MMS22L: variants seen among roughly 807,000 people sequenced by gnomAD.
MMS22L encodes protein MMS22-like.
MMS22L carries 74 observed loss-of-function variants against 159.1 expected under a neutral mutation model. That is an observed-to-expected ratio of 0.47 (90% CI 0.39 to 0.56). The LOEUF is 0.56. MMS22L is among the 20% of genes least tolerant of loss of function. MMS22L has a pLI of 0.00. For synonymous variants in MMS22L, 517 were observed against 506.9 expected (o/e 1.02, Z -0.27); for missense variants, 1,351 against 1,422.1 (o/e 0.95, Z 0.80).
At chr6:97,167,757 C>T (rs1015039106) in intron 20 of MMS22L, among the ~76,000 whole-genome samples, 2 of 152,088 alleles carry the variant, frequency 1.3e-5, no homozygotes, top group East Asian at 1.9e-4. Context: ...CCTCTGATGT[C>T]CTCTACAGTG....
At position 97,143,668 on chromosome 6, in the gene MMS22L, A is replaced by T. The variant is rs117592459; in HGVS notation, c.*3138T>A. The T allele has an allele frequency of 0.04, 6,065 of 152,256 alleles. 179 individuals are homozygous for T. The highest frequency in any genetic ancestry group is 0.063 in the Non-Finnish European group (4,289 of 68,006). The allele number at this position is 152,256 out of a possible 1,614,324, so 9.4% of individuals were successfully genotyped here. A position where few individuals can be genotyped will look rare whatever the true frequency, so the allele number is the denominator to read the frequency against. ...AATGGTAATCAACTGAAAGTGGGAG[A>T]AACATGAAGAACCTAAAATGCCTCT... On this transcript the variant is annotated 3_prime_UTR_variant, in exon 25 of 25. Coordinates refer to ENST00000683635, the MANE Select transcript of MMS22L (RefSeq NM_001350599.2).
Position 97,179,485 on chromosome 6 carries a change from C to A in MMS22L, c.2459G>T (p.Cys820Phe). Residue 820 changes from cysteine to phenylalanine, a missense_variant, in exon 17 of 25, where the codon TGT becomes TTT. By Grantham distance (205) the Cys-to-Phe change is radical (BLOSUM62 -2). Transcript: ENST00000683635. ...QALTVRSWIR[C>F]VLQMYIKNLS... ...GTTTTTAATATACATTTGCAAAACA[C>A]AACGAATCCATGATCTTACGGTTAA... 1 of 1,613,506 alleles carries A rather than the reference C, an allele frequency of 6.2e-7. No homozygotes were observed. The highest frequency in any genetic ancestry group is 8.5e-7 in the Non-Finnish European group (1 of 1,179,702).
chr6:97,153,591 G>C (rs1231281399), intron 22 of MMS22L, among the ~76,000 whole-genome samples: 1 of 151,798 alleles, frequency 6.6e-6, no homozygotes, highest in South Asian at 2.1e-4. Flanking sequence ...GGCAGGTCTC[G>C]AAATCCTGAC....
chr6:97,223,562 A>T (rs1809883805), intron 14 of MMS22L, among the ~76,000 whole-genome samples: 1 of 152,138 alleles, frequency 6.6e-6, no homozygotes, highest in Admixed American at 6.5e-5. Flanking sequence ...ACTATCAAAA[A>T]ATCTTGAATG....
intron 15 of MMS22L, among the ~76,000 whole-genome samples, chr6:97,182,795 TCTTC>T (rs140230935): frequency 0.056 from 8,590 of 152,158 alleles, 332 homozygotes; most frequent in Middle Eastern, 0.11. Context: ...TATTCTCCCC[TCTTC>T]CTCCCTAAAA....
At position 97,151,102 on chromosome 6, in the gene MMS22L, C is replaced by G. The variant is rs1801274474; in HGVS notation, c.3482+669G>C. 2.0e-5 allele frequency among the ~76,000 whole-genome samples: 3 copies of G among 152,280 alleles called. No individual in the cohort carries two copies. In the South Asian group the frequency reaches 6.2e-4, roughly 32 times the overall value. ...AATGGATCCAGCGGAACATGTTTAG[C>G]AAGGTCTGAAGGCCTGTGTACCTGT... On this transcript the variant is annotated intron_variant, in intron 23 of 24. Coordinates refer to ENST00000683635, the MANE Select transcript of MMS22L (RefSeq NM_001350599.2).
chr6:97,193,483 TTATGAG>T (rs1475298914), intron 14 of MMS22L, among the ~76,000 whole-genome samples: 1 of 152,212 alleles, frequency 6.6e-6, no homozygotes, highest in African/African-American at 2.4e-5. Context: ...TTGTAGATGA[TTATGAG>T]TATAAAATTA....
chr6:97,229,873 T>C lies in MMS22L; in HGVS notation c.1530-470A>G, dbSNP rs74376860. Among the ~76,000 whole-genome samples the C allele has an allele frequency of 6.3e-3, 960 of 152,312 alleles. 6 individuals carry two copies. Among genetic ancestry groups the C allele is most frequent in the African/African-American group, 0.022 (909 of 41,566 alleles). ...CGAACACTTGCTCTTATTTTACTTATACCTTAAGACAATGCAAGGCGTTAG... is the reference window on the plus strand; with the variant it reads ...CGAACACTTGCTCTTATTTTACTTACACCTTAAGACAATGCAAGGCGTTAG... On this transcript the variant is annotated intron_variant, in intron 13 of 24. Coordinates refer to ENST00000683635, the MANE Select transcript of MMS22L (RefSeq NM_001350599.2).
intron 4 of MMS22L, among the ~76,000 whole-genome samples, chr6:97,275,663 A>AAC (rs1352478830): frequency 1.3e-5 from 2 of 152,216 alleles, no homozygotes; most frequent in Non-Finnish European, 2.9e-5. Flanking sequence ...AGAGAAAAAA[A>AAC]ACACACACAC....
In MMS22L at chr6:97,281,822, A is replaced by C. The variant is rs1582890352; in HGVS notation, c.165-460T>G. ...GTTTCCTCACTGAAACTGCCTCAGCAGGTATTACCAAAATATTTCAAGAAC... is the reference window on the plus strand; with the variant it reads ...GTTTCCTCACTGAAACTGCCTCAGCCGGTATTACCAAAATATTTCAAGAAC... On this transcript the variant is annotated intron_variant, in intron 2 of 24. Transcript: ENST00000683635. Among the ~76,000 whole-genome samples the C allele has an allele frequency of 2.0e-5, 3 of 152,352 alleles. No homozygotes were observed. The South Asian group carries it at 6.2e-4, about 32-fold the overall frequency.
Position 97,254,722 on chromosome 6 carries a change from G to T in MMS22L, c.954C>A (p.Asn318Lys). ...SKWFVSESFWNWLNKLLKTLL... is the reference protein window; with the variant it reads ...SKWFVSESFWKWLNKLLKTLL... The stretch of plus-strand genomic sequence containing the variant: ...GTGTTTTAAGTAGTTTATTCAACCA[G>T]TTCCAAAATGACTATAGAAACAGAA... Residue 318 changes from asparagine (N) to lysine (K), a missense_variant, in exon 10 of 25, where the codon AAC becomes AAA. Coordinates refer to ENST00000683635, the MANE Select transcript of MMS22L (RefSeq NM_001350599.2). The T allele has an allele frequency of 6.3e-7, 1 of 1,595,324 alleles. No individual in the cohort carries two copies. The highest frequency in any genetic ancestry group is 8.5e-7 in the Non-Finnish European group (1 of 1,173,550).
intron 2 of MMS22L, among the ~76,000 whole-genome samples, chr6:97,281,673 C>T (rs1816766656): frequency 6.6e-6 from 1 of 152,172 alleles, no homozygotes; most frequent in South Asian, 2.1e-4. Flanking sequence ...TTTGAGGGGA[C>T]ATTTAATTTT....
intron 8 of MMS22L, chr6:97,263,690 G>A (rs1024193168): frequency 4.8e-5 from 14 of 290,756 alleles, no homozygotes; most frequent in East Asian, 1.3e-4. Context: ...ATCTAGTGCC[G>A]TGGTCAGCAA....
chr6:97,281,154 A>T, intron 3 of MMS22L, 83 bp downstream of exon 3: 1 of 1,306,972 alleles, frequency 7.7e-7, no homozygotes, highest in Non-Finnish European at 1.0e-6. Flanking sequence ...CTTTTGTAAT[A>T]TCAGTATTAG....
At chr6:97,157,678 C>T (rs911202827) in intron 22 of MMS22L, among the ~76,000 whole-genome samples, 12 of 152,150 alleles carry the variant, frequency 7.9e-5, no homozygotes, top group Non-Finnish European at 1.5e-4. Context: ...CCGACTTGAT[C>T]GTGGTGGATA....
At chr6:97,227,090 T>TAA (rs1447729035) in intron 14 of MMS22L, among the ~76,000 whole-genome samples, 1 of 152,128 alleles carries the variant, frequency 6.6e-6, no homozygotes, top group African/African-American at 2.4e-5. Flanking sequence ...AATATAAAGA[T>TAA]AATTTTAACA....
intron 9 of MMS22L, chr6:97,261,115 T>C (rs1432077459): frequency 6.6e-6 from 1 of 152,200 alleles, no homozygotes; most frequent in Non-Finnish European, 1.5e-5. Context: ...TTTAAAGCAG[T>C]TTTATAACCA....
At position 97,145,066 on chromosome 6, in the gene MMS22L, A is replaced by ACACAC. The variant is rs59932333; in HGVS notation, c.*1739_*1740insGTGTG. 1.5e-5 allele frequency: 2 copies of ACACAC among 130,428 alleles called. No homozygotes were observed. The highest frequency in any genetic ancestry group is 7.2e-5 in the African/African-American group (2 of 27,738). 8.1% of individuals were successfully genotyped at this position (130,428 alleles called of 1,614,324 possible). ...CACACACACACACACACACACACACAAAAACACATATACACATAAATAACC... is the reference window on the plus strand; with the variant it reads ...CACACACACACACACACACACACACACACACAAAACACATATACACATAAATAACC... On this transcript the variant is annotated 3_prime_UTR_variant, in exon 25 of 25. Transcript: ENST00000683635.
intron 9 of MMS22L, among the ~76,000 whole-genome samples, chr6:97,258,108 C>G (rs979695421): frequency 7.2e-5 from 11 of 152,172 alleles, no homozygotes; most frequent in Non-Finnish European, 1.2e-4. Context: ...CAATCCCTTA[C>G]TATTTTGTAG....
Sources: allele counts gnomAD v4.1 joint callset (sites outside exome capture counted in the v4.1 genomes callset), GRCh38; gene constraint gnomAD v4.1.1; transcripts MANE v1.5; gene names NCBI Gene and HGNC (gene_info 2026-07-23, HGNC 2026-07-21).